The following HCAR3 variants were observed in gnomAD, a reference collection of about 807,000 sequenced individuals.
HCAR3 encodes hydroxycarboxylic acid receptor 3.
For missense variants in HCAR3, 404 were observed against 501.2 expected (o/e 0.81, Z 1.85); for synonymous variants, 167 against 201.0 (o/e 0.83, Z 1.43).
chr12:122,715,571 A>ACATT lies in HCAR3; in HGVS notation c.1163_*2dup, dbSNP rs1352182270. The ACATT allele has an allele frequency of 6.4e-7, 1 of 1,571,170 alleles. No homozygotes were observed. The highest frequency in any genetic ancestry group is 1.4e-5 in the African/African-American group (1 of 73,042). On this transcript the variant is annotated 3_prime_UTR_variant, in exon 1 of 1. Coordinates refer to ENST00000528880, the MANE Select transcript of HCAR3 (RefSeq NM_006018.3). ...AGGAAATCTTAGGCCGAGTCCAGTG[A>ACATT]CATTACTCGATGCAACAGCCCAACT...
Position 122,716,710 on chromosome 12 carries a change from A to G in HCAR3, c.28T>C (p.Phe10Leu). The part of the protein sequence containing the change: MNRHHLQDH[F>L]LEIDKKNCCV... ...CAGTTCTTCTTGTCTATTTCCAGAA[A>G]GTGATCCTGCAGATGGTGCCGATTC... The change falls in exon 1 of 1, where the codon TTT becomes CTT. Residue 10 changes from phenylalanine to leucine, a missense_variant. Transcript: ENST00000528880. 6.2e-7 allele frequency: 1 copy of G among 1,614,010 alleles called. No homozygotes were observed. Among genetic ancestry groups the G allele is most frequent in the Non-Finnish European group, 8.5e-7 (1 of 1,179,988 alleles).
At position 122,716,776 on chromosome 12, in the gene HCAR3, T is replaced by A. The variant is rs373933634; in HGVS notation, c.-39A>T. On this transcript the variant is annotated 5_prime_UTR_variant, in exon 1 of 1. Coordinates refer to ENST00000528880, the MANE Select transcript of HCAR3 (RefSeq NM_006018.3). Reference sequence around the variant, plus strand: ...GAGTCCGATGGAGCGCCTCGCCTAGTGAATGCTCCAGCAAAGTGGCGTGTG... The same window carrying A: ...GAGTCCGATGGAGCGCCTCGCCTAGAGAATGCTCCAGCAAAGTGGCGTGTG... 2.9e-5 allele frequency: 46 copies of A among 1,601,494 alleles called. No individual in the cohort carries two copies. Among genetic ancestry groups the A allele is most frequent in the Non-Finnish European group, 3.9e-5 (46 of 1,172,174 alleles).
rs1877502136 is a variant in HCAR3, at chr12:122,715,286, T to G, written c.*288A>C. On this transcript the variant is annotated 3_prime_UTR_variant, in exon 1 of 1. Coordinates refer to ENST00000528880, the MANE Select transcript of HCAR3 (RefSeq NM_006018.3). Reference sequence around the variant, plus strand: ...GCAGGCTAGATATCACCCCAGGAGCTGAGCCCCCTCCAGTCTGAGGCAGAT... The same window carrying G: ...GCAGGCTAGATATCACCCCAGGAGCGGAGCCCCCTCCAGTCTGAGGCAGAT... 4.5e-5 allele frequency: 16 copies of G among 354,332 alleles called. No homozygotes were observed. The South Asian group carries it at 5.2e-4, about 12-fold the overall frequency. 21.9% of individuals were successfully genotyped at this position (354,332 alleles called of 1,614,324 possible).
At position 122,715,208 on chromosome 12, in the gene HCAR3, A is replaced by G. The variant is rs493623; in HGVS notation, c.*366T>C. 80,741 of 167,946 alleles carry G rather than the reference A, an allele frequency of 0.48. 21,004 individuals carry two copies. The highest frequency in any genetic ancestry group is 0.52 in the Non-Finnish European group (40,471 of 77,818). 10.4% of individuals were successfully genotyped at this position (167,946 alleles called of 1,614,324 possible). ...AATGATGCCTGGGCTTCCTCCAGGAACAACACAATTCCCTCCAATCTCAGC... is the reference window on the plus strand; with the variant it reads ...AATGATGCCTGGGCTTCCTCCAGGAGCAACACAATTCCCTCCAATCTCAGC... On this transcript the variant is annotated 3_prime_UTR_variant, in exon 1 of 1. Transcript: ENST00000528880.
rs1877525813 is a variant in HCAR3, at chr12:122,715,790, CT to C, written c.947del (p.Lys316ArgfsTer2). 6.2e-7 allele frequency: 1 copy of C among 1,601,352 alleles called. No homozygotes were observed. Among genetic ancestry groups the C allele is most frequent in the African/African-American group, 1.4e-5 (1 of 72,094 alleles). On this transcript the variant is annotated frameshift_variant, in exon 1 of 1. Coordinates refer to ENST00000528880, the MANE Select transcript of HCAR3 (RefSeq NM_006018.3). LOFTEE classifies it low-confidence loss of function (END_TRUNC). Reference protein sequence around the residue: ...STLINRCLQRKITGEPDNNRS... With the variant: ...STLINRCLQRXITGEPDNNRS... The stretch of plus-strand genomic sequence containing the variant: ...GGTTATTATCTGGCTCACCTGTTAT[CT>C]TCCTCTGGAGGCAGCGGTTGATCAA...
rs1443988652 is a variant in HCAR3, at chr12:122,716,810, G to A, written c.-73C>T. 6.4e-7 allele frequency: 1 copy of A among 1,566,638 alleles called. No homozygotes were observed. The highest frequency in any genetic ancestry group is 8.7e-7 in the Non-Finnish European group (1 of 1,150,496). Reference sequence around the variant, plus strand: ...CAGCAAAGTGGCGTGTGTCTGTATGGTGAACGTGTGGTTCCGTGCCTGCCT... The same window carrying A: ...CAGCAAAGTGGCGTGTGTCTGTATGATGAACGTGTGGTTCCGTGCCTGCCT... On this transcript the variant is annotated 5_prime_UTR_variant, in exon 1 of 1. Coordinates refer to ENST00000528880, the MANE Select transcript of HCAR3 (RefSeq NM_006018.3).
At position 122,716,722 on chromosome 12, in the gene HCAR3, G is replaced by A; in HGVS notation, c.16C>T (p.Leu6=). MNRHH[L]QDHFLEIDKK... ...TCTATTTCCAGAAAGTGATCCTGCA[G>A]ATGGTGCCGATTCATGAGTGCAGCT... Residue 6 remains leucine (L), a synonymous_variant, in exon 1 of 1, where the codon CTG becomes TTG. Transcript: ENST00000528880. 6.2e-7 allele frequency: 1 copy of A among 1,613,884 alleles called. No homozygotes were observed. Among genetic ancestry groups the A allele is most frequent in the Non-Finnish European group, 8.5e-7 (1 of 1,179,866 alleles).
rs368480408 is a variant in HCAR3, at chr12:122,716,336, G to C, written c.402C>G (p.His134Gln). 6.2e-7 allele frequency: 1 copy of C among 1,614,100 alleles called. No individual in the cohort carries two copies. The highest frequency in any genetic ancestry group is 1.1e-5 in the South Asian group (1 of 91,074). ...DRYFRVVHPH[H>Q]ALNKISNWTA... ...TCCAATTGGAGATCTTGTTCAGGGC[G>C]TGGTGGGGATGGACCACCCGGAAAT... The change falls in exon 1 of 1, where the codon CAC becomes CAG. Residue 134 changes from histidine to glutamine, a missense_variant. Physicochemically the swap from His to Gln is conservative, Grantham distance 24. Coordinates refer to ENST00000528880, the MANE Select transcript of HCAR3 (RefSeq NM_006018.3).
At position 122,715,670 on chromosome 12, in the gene HCAR3, A is replaced by G. The variant is rs781123700; in HGVS notation, c.1068T>C (p.Ser356=). ...IANSGEPWSP[S]YLGPTSNNHS... is the part of the protein sequence containing the mutation. ...GGTTATTTGAGGTTGGGCCCAGATA[A>G]GAGGGGCTCCATGGCTCACCGGAGT... Residue 356 remains serine (S), a synonymous_variant, in exon 1 of 1, where the codon TCT becomes TCC. Transcript: ENST00000528880. 3 of 1,613,862 alleles carry G rather than the reference A, an allele frequency of 1.9e-6. No homozygotes were observed. The highest frequency in any genetic ancestry group is 2.5e-6 in the Non-Finnish European group (3 of 1,180,010).
Position 122,716,465 on chromosome 12 carries a change from TG to T in HCAR3, c.272del (p.Ser91Ter), listed in dbSNP as rs571987055. The T allele has an allele frequency of 1.0e-3, 1,668 of 1,614,120 alleles. 5 individuals are homozygous for T. The highest frequency in any genetic ancestry group is 1.3e-3 in the South Asian group (121 of 91,076). On this transcript the variant is annotated frameshift_variant, in exon 1 of 1. Coordinates refer to ENST00000528880, the MANE Select transcript of HCAR3 (RefSeq NM_006018.3). LOFTEE classifies it low-confidence loss of function (END_TRUNC). ...AAGGGATGTCCCCAAACTTCCAGTC[TG>T]AACGCCGCACATAGTAGTCCATCAC... ...PFVMDYYVRR[S>X]DWKFGDIPCR...
At position 122,715,781 on chromosome 12, in the gene HCAR3, A is replaced by C; in HGVS notation, c.957T>G (p.Gly319=). ...TCGTGCTGCGGTTATTATCTGGCTC[A>C]CCTGTTATCTTCCTCTGGAGGCAGC... ...INRCLQRKIT[G]EPDNNRSTSV... is the part of the protein sequence containing the mutation. The change falls in exon 1 of 1, where the codon GGT becomes GGG. Residue 319 remains glycine, a synonymous_variant. Transcript: ENST00000528880. 6.2e-7 allele frequency: 1 copy of C among 1,604,148 alleles called. No individual in the cohort carries two copies. Among genetic ancestry groups the C allele is most frequent in the Middle Eastern group, 1.7e-4 (1 of 6,034 alleles).
Position 122,715,573 on chromosome 12 carries a change from A to T in HCAR3, c.*1T>A. On this transcript the variant is annotated 3_prime_UTR_variant, in exon 1 of 1. Coordinates refer to ENST00000528880, the MANE Select transcript of HCAR3 (RefSeq NM_006018.3). ...GAAATCTTAGGCCGAGTCCAGTGACATTACTCGATGCAACAGCCCAACTGT... is the reference window on the plus strand; with the variant it reads ...GAAATCTTAGGCCGAGTCCAGTGACTTTACTCGATGCAACAGCCCAACTGT... 1 of 1,577,762 alleles carries T rather than the reference A, an allele frequency of 6.3e-7. No homozygotes were observed. The highest frequency in any genetic ancestry group is 8.6e-7 in the Non-Finnish European group (1 of 1,163,264).
At position 122,715,151 on chromosome 12, in the gene HCAR3, C is replaced by G. The variant is rs544740636; in HGVS notation, c.*423G>C. On this transcript the variant is annotated 3_prime_UTR_variant, in exon 1 of 1. Transcript: ENST00000528880. ...AAGATTGTCTGAAAGATGAATTGGT[C>G]CACGGAAGCCAGGTGACCTACTGGC... The G allele has an allele frequency of 1.1e-4, 18 of 167,282 alleles. No homozygotes were observed. In the South Asian group the frequency reaches 2.2e-3, roughly 20 times the overall value. The allele number at this position is 167,282 out of a possible 1,614,324, so 10.4% of individuals were successfully genotyped here. A position where few individuals can be genotyped will look rare whatever the true frequency, so the allele number is the denominator to read the frequency against.
rs567093061 is a variant in HCAR3 at position 122,716,002 on chromosome 12, G to A, written c.736C>T (p.Pro246Ser). The change falls in exon 1 of 1, where the codon CCC (proline) becomes TCC (serine). Residue 246 changes from proline to serine, a missense_variant. Pro to Ser is a moderately conservative substitution (Grantham distance 74, BLOSUM62 -1). Coordinates refer to ENST00000528880, the MANE Select transcript of HCAR3 (RefSeq NM_006018.3). ...VAIVFVICFL[P>S]SVVVRIHIFW... The stretch of plus-strand genomic sequence containing the variant: ...ATGTGGATCCGCACAACCACGCTGG[G>A]AAGGAAGCAGATGACAAAGACGATG... 1.9e-6 allele frequency: 3 copies of A among 1,584,022 alleles called. No homozygotes were observed. Among genetic ancestry groups the A allele is most frequent in the East Asian group, 4.5e-5 (2 of 44,556 alleles).
In HCAR3 at chr12:122,716,387, G is replaced by T; in HGVS notation, c.351C>A (p.Phe117Leu). 6.2e-7 allele frequency: 1 copy of T among 1,614,080 alleles called. No homozygotes were observed. The highest frequency in any genetic ancestry group is 8.5e-7 in the Non-Finnish European group (1 of 1,180,002). ...FAMNRQGSIIFLTVVAVDRYF... is the reference protein window; with the variant it reads ...FAMNRQGSIILLTVVAVDRYF... ...ACCTGTCTACCGCCACCACCGTGAG[G>T]AATATGATGCTGCCCTGGCGGTTCA... The change falls in exon 1 of 1, where the codon TTC (phenylalanine) becomes TTA (leucine). Residue 117 changes from phenylalanine (F) to leucine (L), a missense_variant. Transcript: ENST00000528880.
Position 122,716,588 on chromosome 12 carries a change from C to G in HCAR3, c.150G>C (p.Trp50Cys). ...AGGACTTGAGGTGGAAACAGAAAAT[C>G]CACAGGGCAAGGCCATTGCCCAGAA... ...FGLLGNGLAL[W>C]IFCFHLKSWK... Residue 50 changes from tryptophan (W) to cysteine (C), a missense_variant, in exon 1 of 1, where the codon TGG (tryptophan) becomes TGC (cysteine). Trp to Cys is a radical substitution (Grantham distance 215). Coordinates refer to ENST00000528880, the MANE Select transcript of HCAR3 (RefSeq NM_006018.3). 1 of 1,614,124 alleles carries G rather than the reference C, an allele frequency of 6.2e-7. No homozygotes were observed. The highest frequency in any genetic ancestry group is 8.5e-7 in the Non-Finnish European group (1 of 1,180,024).
In HCAR3 at chr12:122,716,320, A is replaced by T. The variant is rs761003966; in HGVS notation, c.418T>A (p.Ser140Thr). 9 of 1,614,052 alleles carry T rather than the reference A, an allele frequency of 5.6e-6. No homozygotes were observed. The Admixed American group carries it at 1.5e-4, about 27-fold the overall frequency. The stretch of plus-strand genomic sequence containing the variant: ...GAGATGATGGCTGCTGTCCAATTGG[A>T]GATCTTGTTCAGGGCGTGGTGGGGA... ...VHPHHALNKI[S>T]NWTAAIISCL... The change falls in exon 1 of 1, where the codon TCC becomes ACC. Residue 140 changes from serine (S) to threonine (T), a missense_variant. Coordinates refer to ENST00000528880, the MANE Select transcript of HCAR3 (RefSeq NM_006018.3).
In HCAR3 at chr12:122,716,250, A is replaced by G. The variant is rs1350542778; in HGVS notation, c.488T>C (p.Leu163Pro). 6.2e-7 allele frequency: 1 copy of G among 1,614,156 alleles called. No homozygotes were observed. Among genetic ancestry groups the G allele is most frequent in the Admixed American group, 1.7e-5 (1 of 60,016 alleles). ...GITVGLTVHL[L>P]KKKLLIQNGT... The stretch of plus-strand genomic sequence containing the variant: ...ATTCTGGATCAGCAACTTCTTCTTC[A>G]GGAGGTGGACTGTTAGGCCAACAGT... The change falls in exon 1 of 1, where the codon CTG becomes CCG. Residue 163 changes from leucine (L) to proline (P), a missense_variant. Coordinates refer to ENST00000528880, the MANE Select transcript of HCAR3 (RefSeq NM_006018.3).
rs1465610580 is a variant in HCAR3, at chr12:122,716,688, T to C, written c.50A>G (p.Asn17Ser). ...GAAGTCATCTCGGAACACACAGCAG[T>C]TCTTCTTGTCTATTTCCAGAAAGTG... ...QDHFLEIDKK[N>S]CCVFRDDFIA... The change falls in exon 1 of 1, where the codon AAC (asparagine) becomes AGC (serine). Residue 17 changes from asparagine to serine, a missense_variant. Coordinates refer to ENST00000528880, the MANE Select transcript of HCAR3 (RefSeq NM_006018.3). 1 of 1,613,986 alleles carries C rather than the reference T, an allele frequency of 6.2e-7. No individual in the cohort carries two copies. The highest frequency in any genetic ancestry group is 2.2e-5 in the East Asian group (1 of 44,874).
Sources: allele counts gnomAD v4.1 joint callset, GRCh38; gene constraint gnomAD v4.1.1; transcripts MANE v1.5; gene names NCBI Gene and HGNC (gene_info 2026-07-23, HGNC 2026-07-21).